FHOD3: variants seen among roughly 807,000 people sequenced by gnomAD.
The protein encoded by FHOD3 is FH1/FH2 domain-containing protein 3.
Under a neutral mutation model 173.0 loss-of-function variants are expected in FHOD3, and 90 were observed. The observed-to-expected ratio is 0.52, with a 90% confidence interval of 0.44 to 0.62. FHOD3 has a LOEUF of 0.62. Among genes scored for constraint, FHOD3 ranks in the 20% least tolerant of loss-of-function variants. FHOD3 has a pLI of 0.00. For synonymous variants in FHOD3, 828 were observed against 823.0 expected (o/e 1.01, Z -0.10); for missense variants, 1,945 against 2,034.7 (o/e 0.96, Z 0.85).
intron 1 of FHOD3, among the ~76,000 whole-genome samples, chr18:36,310,201 G>T (rs765958288): frequency 3.9e-5 from 6 of 152,216 alleles, no homozygotes; most frequent in Non-Finnish European, 8.8e-5. Flanking sequence ...ACAGGCTGGG[G>T]AGTAGAGCTT....
At chr18:36,570,683 T>A (rs1046827247) in intron 5 of FHOD3, among the ~76,000 whole-genome samples, 22 of 152,024 alleles carry the variant, frequency 1.4e-4, no homozygotes, top group Non-Finnish European at 1.5e-5. Context: ...TAATATGCCA[T>A]GGTCAAAAAG....
At position 36,297,853 on chromosome 18, in the gene FHOD3, C is replaced by T; in HGVS notation, c.18C>T (p.Cys6=). Reference sequence around the variant, plus strand: ...GATGCATCATGGCCACGCTGGCTTGCCGGGTGCAGTTCTTGGACGACACGG... The same window carrying T: ...GATGCATCATGGCCACGCTGGCTTGTCGGGTGCAGTTCTTGGACGACACGG... MATLA[C]RVQFLDDTDP... is the part of the protein sequence containing the mutation. The change falls in exon 1 of 29, where the codon TGC becomes TGT. Residue 6 remains cysteine (C), a synonymous_variant. Coordinates refer to ENST00000590592, the MANE Select transcript of FHOD3 (RefSeq NM_001281740.3). 2.0e-6 allele frequency: 3 copies of T among 1,532,722 alleles called. No homozygotes were observed. The highest frequency in any genetic ancestry group is 2.6e-6 in the Non-Finnish European group (3 of 1,139,676). 94.9% of individuals were successfully genotyped at this position (1,532,722 alleles called of 1,614,324 possible).
intron 17 of FHOD3, among the ~76,000 whole-genome samples, chr18:36,705,947 CTGTGTGTGTGTGTGTGTGTG>C (rs3222016): frequency 5.6e-5 from 8 of 142,800 alleles, no homozygotes; most frequent in East Asian, 2.1e-4. Flanking sequence ...TCAGAAGGAA[CTGTGTGTGTGTGTGTGTGTG>C]TGTGTGTGTG....
At chr18:36,512,631 T>A in intron 5 of FHOD3, 88 bp downstream of exon 5, 1 of 920,978 alleles carries the variant, frequency 1.1e-6, no homozygotes. Flanking sequence ...GAGAGCTTTT[T>A]AAAAGACTTC....
chr18:36,425,039 G>A (rs559556620), intron 3 of FHOD3, among the ~76,000 whole-genome samples: 6 of 152,234 alleles, frequency 3.9e-5, no homozygotes, highest in East Asian at 1.9e-4. Flanking sequence ...CATAAAGTGC[G>A]TCCCCTAGGG....
At chr18:36,409,174 G>GT (rs1240237207) in intron 3 of FHOD3, among the ~76,000 whole-genome samples, 1 of 152,106 alleles carries the variant, frequency 6.6e-6, no homozygotes, top group Non-Finnish European at 1.5e-5. Context: ...AACCTTCTTG[G>GT]GGGGGTAATT....
intron 3 of FHOD3, among the ~76,000 whole-genome samples, chr18:36,437,550 A>G (rs2050874795): frequency 6.6e-6 from 1 of 151,402 alleles, no homozygotes; most frequent in Non-Finnish European, 1.5e-5. Flanking sequence ...TATTTCCTTT[A>G]CTGGCAATTT....
At chr18:36,491,100 C>A (rs139858331) in intron 3 of FHOD3, among the ~76,000 whole-genome samples, 1 of 152,274 alleles carries the variant, frequency 6.6e-6, no homozygotes, top group Non-Finnish European at 1.5e-5. Flanking sequence ...TGTGCATGGA[C>A]AGATAAGCGA....
intron 5 of FHOD3, among the ~76,000 whole-genome samples, chr18:36,541,477 A>G (rs1360459006): frequency 6.6e-6 from 1 of 152,082 alleles, no homozygotes; most frequent in Non-Finnish European, 1.5e-5. Context: ...GGATCCCTTG[A>G]GCACAATCCT....
chr18:36,486,427 A>G (rs1027925107), intron 3 of FHOD3, among the ~76,000 whole-genome samples: 1 of 152,208 alleles, frequency 6.6e-6, no homozygotes, highest in East Asian at 1.9e-4. Flanking sequence ...CAGTAGCACG[A>G]TTATAGCTTA....
At chr18:36,542,407 A>ATTT (rs2057259747) in intron 5 of FHOD3, among the ~76,000 whole-genome samples, 1 of 152,204 alleles carries the variant, frequency 6.6e-6, no homozygotes, top group South Asian at 2.1e-4. Context: ...AATTCTAATA[A>ATTT]AAACAGTAGA....
intron 3 of FHOD3, among the ~76,000 whole-genome samples, chr18:36,398,477 G>GTT (rs111398411): frequency 1.3e-5 from 2 of 152,164 alleles, no homozygotes; most frequent in African/African-American, 4.8e-5. Context: ...TATAACCACT[G>GTT]TTTTTTTCAG....
intron 17 of FHOD3, among the ~76,000 whole-genome samples, chr18:36,694,984 TGTGTGTGTGTGTGC>T (rs962933716): frequency 7.3e-5 from 11 of 150,988 alleles, no homozygotes; most frequent in Non-Finnish European, 1.6e-4. Flanking sequence ...TGGGTGTGTG[TGTGTGTGTGTGTGC>T]GTGTGTGTGT....
At chr18:36,779,405 TTTC>T in intron 28 of FHOD3, 40 bp from the exon 29 acceptor site, 1 of 1,595,980 alleles carries the variant, frequency 6.3e-7, no homozygotes, top group Non-Finnish European at 8.6e-7. Flanking sequence ...CATACTTCCT[TTTC>T]TTCTCATCCC....
At chr18:36,642,343 G>T (rs1000852436) in intron 10 of FHOD3, among the ~76,000 whole-genome samples, 2 of 152,134 alleles carry the variant, frequency 1.3e-5, no homozygotes, top group Non-Finnish European at 2.9e-5. Context: ...TTGTAGGCCA[G>T]GCGCAGTGGT....
intron 1 of FHOD3, among the ~76,000 whole-genome samples, chr18:36,307,819 G>A (rs2092143981): frequency 6.6e-6 from 1 of 152,160 alleles, no homozygotes; most frequent in African/African-American, 2.4e-5. Context: ...GGATACATTT[G>A]GAGACTACAG....
chr18:36,636,729 C>T (rs994235899), intron 10 of FHOD3, among the ~76,000 whole-genome samples: 1 of 151,360 alleles, frequency 6.6e-6, no homozygotes, highest in Admixed American at 6.6e-5. Context: ...AGAGATGAGC[C>T]CTCATAAGGA....
At chr18:36,410,303 C>A (rs2049291309) in intron 3 of FHOD3, among the ~76,000 whole-genome samples, 1 of 152,176 alleles carries the variant, frequency 6.6e-6, no homozygotes, top group Non-Finnish European at 1.5e-5. Context: ...AGCATAACTT[C>A]TCAAGGTTCA....
chr18:36,506,140 T>C (rs1245817160), intron 4 of FHOD3, among the ~76,000 whole-genome samples: 1 of 152,222 alleles, frequency 6.6e-6, no homozygotes, highest in African/African-American at 2.4e-5. Context: ...AAATAATGAT[T>C]ATGCCATGTA....
Sources: allele counts gnomAD v4.1 joint callset (sites outside exome capture counted in the v4.1 genomes callset), GRCh38; gene constraint gnomAD v4.1.1; transcripts MANE v1.5; gene names NCBI Gene and HGNC (gene_info 2026-07-23, HGNC 2026-07-21).